Variants in SNX32 observed in about 807,000 individuals in gnomAD.
The protein encoded by SNX32 is sorting nexin 32, also known as sorting nexin-32.
SNX32 carries 58 observed loss-of-function variants against 57.0 expected under a neutral mutation model. That is an observed-to-expected ratio of 1.02 (90% CI 0.82 to 1.27). The LOEUF is 1.27. Among genes scored for constraint, SNX32 ranks in the 50% most tolerant of loss-of-function variants. The pLI is 0.00. For missense variants in SNX32, 589 were observed against 541.2 expected (o/e 1.09, Z -0.88); for synonymous variants, 262 against 220.4 (o/e 1.19, Z -1.67).
intron 1 of SNX32, among the ~76,000 whole-genome samples, chr11:65,847,780 T>C (rs11227331): frequency 0.014 from 2,174 of 151,936 alleles, 52 homozygotes; most frequent in East Asian, 0.1. Flanking sequence ...AGTGGTGGCG[T>C]GTGCCTGTAA....
Position 65,834,769 on chromosome 11 carries a change from CTT to C in SNX32, c.36+670_36+671del, listed in dbSNP as rs570945414. On this transcript the variant is annotated intron_variant, in intron 1 of 12. Coordinates refer to ENST00000308342, the MANE Select transcript of SNX32 (RefSeq NM_152760.3). ...GTGTCTATGTATGGTCTGCGTGCAT[CTT>C]TATGTCTGTGTGTGTGTGTCTCTGT... 2.6e-3 allele frequency among the ~76,000 whole-genome samples: 360 copies of C among 140,526 alleles called. 1 individual carries two copies. Among genetic ancestry groups the C allele is most frequent in the African/African-American group, 9.0e-3 (335 of 37,268 alleles). 92.2% of individuals were successfully genotyped at this position (140,526 alleles called of 152,430 possible).
intron 1 of SNX32, among the ~76,000 whole-genome samples, chr11:65,841,023 G>A (rs1858826070): frequency 6.6e-6 from 1 of 151,034 alleles, no homozygotes; most frequent in African/African-American, 2.4e-5. Flanking sequence ...TTGTTTCACC[G>A]CCACCTCTGC....
At position 65,853,049 on chromosome 11, in the gene SNX32, G is replaced by C. The variant is rs552339759; in HGVS notation, c.1158+91G>C. 4.3e-6 allele frequency: 6 copies of C among 1,399,118 alleles called. No homozygotes were observed. In the African/African-American group the frequency reaches 8.5e-5, roughly 20 times the overall value. 86.7% of individuals were successfully genotyped at this position (1,399,118 alleles called of 1,614,324 possible). A position where few individuals can be genotyped will look rare whatever the true frequency, so the allele number is the denominator to read the frequency against. ...GGCACCAGGGTGTGCGTGCATGTGA[G>C]GGTGTGCACGCATGTATGCGCGTGT... On this transcript the variant is annotated intron_variant, in intron 12 of 12. Transcript: ENST00000308342.
intron 1 of SNX32, among the ~76,000 whole-genome samples, chr11:65,848,669 A>G (rs1046662562): frequency 6.6e-6 from 1 of 152,212 alleles, no homozygotes; most frequent in Non-Finnish European, 1.5e-5. Flanking sequence ...CATGCTTTGC[A>G]TGTAAGCTTT....
chr11:65,834,454 CTG>C (rs1377172617), intron 1 of SNX32, among the ~76,000 whole-genome samples: 3 of 141,680 alleles, frequency 2.1e-5, no homozygotes, highest in Non-Finnish European at 3.1e-5. Context: ...TGTGTATGGC[CTG>C]TGTGTGTCTG....
At chr11:65,834,222 G>A (rs987919726) in intron 1 of SNX32, 121 bp downstream of exon 1, 4 of 994,330 alleles carry the variant, frequency 4.0e-6, no homozygotes, top group Non-Finnish European at 6.0e-6. Flanking sequence ...GTGTGTTTCT[G>A]TGTGTGTCTG....
Position 65,853,342 on chromosome 11 carries a change from C to T in SNX32, c.*7C>T, listed in dbSNP as rs1322325157. On this transcript the variant is annotated 3_prime_UTR_variant, in exon 13 of 13. Transcript: ENST00000308342. ...CCTAAAGGGGGAGCCTTAGAGTAGC[C>T]AGAGCTCAGCCAGACCCTAATCTGG... 2 of 1,613,856 alleles carry T rather than the reference C, an allele frequency of 1.2e-6. No homozygotes were observed. The highest frequency in any genetic ancestry group is 1.3e-5 in the African/African-American group (1 of 74,892).
chr11:65,853,267 G>A lies in SNX32; in HGVS notation c.1159-15G>A, dbSNP rs759932731. On this transcript the variant is annotated splice_polypyrimidine_tract_variant and intron_variant, in intron 12 of 12. Transcript: ENST00000308342. ...AGGGAGCAGGGGACTTCAAGGACCT[G>A]TTTCTCCTCTGCAGGCCAGCACCCT... 1.2e-6 allele frequency: 2 copies of A among 1,613,936 alleles called. No individual in the cohort carries two copies. Among genetic ancestry groups the A allele is most frequent in the South Asian group, 1.1e-5 (1 of 91,086 alleles).
At chr11:65,839,260 C>T (rs1353688015) in intron 1 of SNX32, among the ~76,000 whole-genome samples, 6 of 15,530 alleles carry the variant, frequency 3.9e-4, no homozygotes, top group South Asian at 7.0e-3. Flanking sequence ...GACGGAGTCT[C>T]GCTCTGTCGC....
intron 1 of SNX32, among the ~76,000 whole-genome samples, chr11:65,847,404 T>TCACGGAGG (rs1859032402): frequency 6.6e-6 from 1 of 152,030 alleles, no homozygotes; most frequent in Non-Finnish European, 1.5e-5. Context: ...GCCCAGCTCA[T>TCACGGAGG]CACGGAGGCT....
At chr11:65,850,610 G>A (rs1859150201) in intron 5 of SNX32, 56 bp downstream of exon 5, 3 of 1,564,512 alleles carry the variant, frequency 1.9e-6, no homozygotes, top group Non-Finnish European at 2.6e-6. Context: ...ACCTTGGGTG[G>A]GGAGGCACCC....
At position 65,850,524 on chromosome 11, in the gene SNX32, CTTCT is replaced by C. The variant is rs745715935; in HGVS notation, c.471_474del (p.Phe157LeufsTer10). 91 of 1,612,798 alleles carry C rather than the reference CTTCT, an allele frequency of 5.6e-5. No individual in the cohort carries two copies. Among genetic ancestry groups the C allele is most frequent in the Non-Finnish European group, 4.5e-5 (53 of 1,179,438 alleles). On this transcript the variant is annotated frameshift_variant, in exon 5 of 13. Transcript: ENST00000308342. LOFTEE classifies it high-confidence loss of function. The stretch of plus-strand genomic sequence containing the variant: ...ACCCCACCCTGCGTCGAGACCACAA[CTTCT>C]TTGTGTTTTTGGAATATGGACAGGA...
chr11:65,842,458 C>G (rs1858866405), intron 1 of SNX32, among the ~76,000 whole-genome samples: 1 of 152,062 alleles, frequency 6.6e-6, no homozygotes, highest in African/African-American at 2.4e-5. Flanking sequence ...TGAGACCAGA[C>G]TGGCCAACAT....
At chr11:65,851,526 G>A (rs1334790531) in intron 8 of SNX32, 114 bp from the exon 9 acceptor site, 16 of 1,513,778 alleles carry the variant, frequency 1.1e-5, no homozygotes, top group Non-Finnish European at 1.4e-5. Flanking sequence ...TCCTGTTGGG[G>A]GATGGTGTTG....
Position 65,851,644 on chromosome 11 carries a change from T to A in SNX32, c.790T>A (p.Phe264Ile). 1 of 1,614,092 alleles carries A rather than the reference T, an allele frequency of 6.2e-7. No individual in the cohort carries two copies. The highest frequency in any genetic ancestry group is 8.5e-7 in the Non-Finnish European group (1 of 1,179,984). Residue 264 changes from phenylalanine (F) to isoleucine (I), a missense_variant, in exon 9 of 13, where the codon TTC becomes ATC. Transcript: ENST00000308342. ...TQEVNQLRTS[F>I]LKLAELFERL... The stretch of plus-strand genomic sequence containing the variant: ...TCCCTCCCTACTGCTTCCTAGGAGC[T>A]TCCTCAAATTGGCAGAGCTCTTTGA...
At chr11:65,835,956 G>C (rs1357285027) in intron 1 of SNX32, among the ~76,000 whole-genome samples, 1 of 152,088 alleles carries the variant, frequency 6.6e-6, no homozygotes, top group African/African-American at 2.4e-5. Flanking sequence ...AAATGCTTAG[G>C]GCATATACAT....
rs139994790 is a variant in SNX32, at chr11:65,850,818, C to T, written c.566C>T (p.Ala189Val). The change falls in exon 6 of 13, where the codon GCG becomes GTG. Residue 189 changes from alanine (A) to valine (V), a missense_variant. Coordinates refer to ENST00000308342, the MANE Select transcript of SNX32 (RefSeq NM_152760.3). Reference protein sequence around the residue: ...GGFLRNIVKSADEALITGMSG... With the variant: ...GGFLRNIVKSVDEALITGMSG... ...TTTCTGAGGAATATTGTGAAGTCCG[C>T]GGATGAAGCCCTCATCACGGGCATG... 112 of 1,613,914 alleles carry T rather than the reference C, an allele frequency of 6.9e-5. No homozygotes were observed. The highest frequency in any genetic ancestry group is 8.8e-5 in the Non-Finnish European group (104 of 1,179,980).
At chr11:65,846,603 G>T (rs962918822) in intron 1 of SNX32, among the ~76,000 whole-genome samples, 1 of 151,018 alleles carries the variant, frequency 6.6e-6, no homozygotes, top group African/African-American at 2.4e-5. Context: ...AATAATCTAT[G>T]GTGATAGAAG....
chr11:65,841,277 G>A (rs1368793733), intron 1 of SNX32, among the ~76,000 whole-genome samples: 2 of 151,168 alleles, frequency 1.3e-5, no homozygotes, highest in Non-Finnish European at 2.9e-5. Context: ...CATCCAGGCT[G>A]GAGTGCAGTG....
Sources: gnomAD v4.1 joint callset for allele counts (sites outside exome capture counted in the v4.1 genomes callset) on GRCh38, gnomAD v4.1.1 for gene constraint, MANE v1.5 for transcripts, NCBI Gene and HGNC (gene_info 2026-07-23, HGNC 2026-07-21) for gene names.